Variants in MECOM observed in about 807,000 individuals in gnomAD.
MECOM encodes MDS1 and EVI1 complex locus.
A neutral mutation model predicts 116.3 loss-of-function variants in MECOM; 13 were observed. The ratio of observed to expected loss-of-function variants is 0.11; its 90% CI spans 0.07 to 0.18. The LOEUF (loss-of-function observed/expected upper bound fraction) is 0.18, where lower values mean the gene tolerates loss of function less well. Ranked by LOEUF, MECOM falls within the 10% of genes least tolerant of loss-of-function variation. The pLI is 1.00. For missense variants in MECOM, 1,299 were observed against 1,509.0 expected (o/e 0.86, Z 2.31); for synonymous variants, 528 against 535.2 (o/e 0.99, Z 0.19).
At chr3:169,485,944 T>TATGTATA (rs1491555135) in intron 1 of MECOM, among the ~76,000 whole-genome samples, 1 of 101,310 alleles carries the variant, frequency 9.9e-6, no homozygotes, top group Non-Finnish European at 1.9e-5. Context: ...TATATATGTA[T>TATGTATA]GTATATATGT....
At chr3:169,582,734 C>A (rs977241342) in intron 1 of MECOM, among the ~76,000 whole-genome samples, 4 of 152,174 alleles carry the variant, frequency 2.6e-5, no homozygotes, top group Non-Finnish European at 5.9e-5. Context: ...AGCAAAACTT[C>A]TGAAATTACA....
chr3:169,089,657 G>A (rs1452210559), intron 15 of MECOM, among the ~76,000 whole-genome samples: 1 of 152,016 alleles, frequency 6.6e-6, no homozygotes, highest in East Asian at 1.9e-4. Context: ...TGATGACCAT[G>A]CCAGATTATT....
chr3:169,573,257 C>T (rs936917106), intron 1 of MECOM, among the ~76,000 whole-genome samples: 1 of 152,184 alleles, frequency 6.6e-6, no homozygotes, highest in Non-Finnish European at 1.5e-5. Context: ...ACTTCCATGC[C>T]TTGTTCGGAA....
At chr3:169,153,893 C>A (rs55692737) in intron 2 of MECOM, among the ~76,000 whole-genome samples, 1 of 152,064 alleles carries the variant, frequency 6.6e-6, no homozygotes, top group East Asian at 1.9e-4. Flanking sequence ...GTTTGTGTAA[C>A]GGGTTACAGT....
chr3:169,589,488 G>A, intron 1 of MECOM, among the ~76,000 whole-genome samples: 1 of 152,084 alleles, frequency 6.6e-6, no homozygotes, highest in East Asian at 1.9e-4. Context: ...GCAGGTCCTA[G>A]GAAGTCCATG....
intron 1 of MECOM, among the ~76,000 whole-genome samples, chr3:169,524,896 T>C (rs2109105575): frequency 6.6e-6 from 1 of 152,260 alleles, no homozygotes; most frequent in Non-Finnish European, 1.5e-5. Context: ...AGCTGTCTTA[T>C]TTTCCATCTC....
chr3:169,126,440 C>A (rs993448531), intron 5 of MECOM, among the ~76,000 whole-genome samples: 7 of 151,884 alleles, frequency 4.6e-5, no homozygotes, highest in Admixed American at 3.3e-4. Flanking sequence ...TATTTGTTAG[C>A]TTCATTTTTT....
At chr3:169,205,559 G>A (rs1749809275) in intron 2 of MECOM, among the ~76,000 whole-genome samples, 1 of 152,184 alleles carries the variant, frequency 6.6e-6, no homozygotes, top group South Asian at 2.1e-4. Flanking sequence ...ACTAGCCAGA[G>A]TTATTTAAAT....
At chr3:169,131,188 C>A (rs960542437) in intron 4 of MECOM, among the ~76,000 whole-genome samples, 2 of 152,180 alleles carry the variant, frequency 1.3e-5, no homozygotes, top group Non-Finnish European at 2.9e-5. Flanking sequence ...TGAGGTTCTG[C>A]GCAAATGCTC....
intron 2 of MECOM, among the ~76,000 whole-genome samples, chr3:169,163,542 C>T (rs10513660): frequency 0.07 from 10,705 of 152,174 alleles, 481 homozygotes; most frequent in South Asian, 0.19. Context: ...TAACAACTCA[C>T]TGACTATAAG....
chr3:169,244,463 GC>G (rs1173328187), intron 2 of MECOM, among the ~76,000 whole-genome samples: 1 of 152,098 alleles, frequency 6.6e-6, no homozygotes, highest in Admixed American at 6.5e-5. Context: ...CAGCTTCTCA[GC>G]CACAGGCGAT....
At chr3:169,652,686 T>G (rs1775064169) in intron 1 of MECOM, among the ~76,000 whole-genome samples, 1 of 152,174 alleles carries the variant, frequency 6.6e-6, no homozygotes. Context: ...TTGGGTTAAT[T>G]TAATCAGTAA....
chr3:169,568,224 G>C (rs990436770), intron 1 of MECOM, among the ~76,000 whole-genome samples: 2 of 152,154 alleles, frequency 1.3e-5, no homozygotes, highest in Non-Finnish European at 2.9e-5. Context: ...TTCACAACCC[G>C]CAGACCAGGA....
intron 1 of MECOM, among the ~76,000 whole-genome samples, chr3:169,523,040 T>A (rs1344512932): frequency 6.6e-6 from 1 of 152,248 alleles, no homozygotes; most frequent in Non-Finnish European, 1.5e-5. Flanking sequence ...ATTTTTGTAA[T>A]GTCATCACTT....
intron 1 of MECOM, among the ~76,000 whole-genome samples, chr3:169,490,625 T>C (rs933817190): frequency 6.6e-6 from 1 of 152,244 alleles, no homozygotes; most frequent in Non-Finnish European, 1.5e-5. Flanking sequence ...GTACCACTTA[T>C]GTACATTTTA....
At chr3:169,264,473 A>C (rs987750599) in intron 2 of MECOM, among the ~76,000 whole-genome samples, 1 of 152,196 alleles carries the variant, frequency 6.6e-6, no homozygotes, top group Non-Finnish European at 1.5e-5. Flanking sequence ...TTATAAATCA[A>C]TTAAAAAAAA....
intron 2 of MECOM, among the ~76,000 whole-genome samples, chr3:169,223,546 A>C (rs953907257): frequency 1.3e-5 from 2 of 152,078 alleles, no homozygotes; most frequent in African/African-American, 4.8e-5. Context: ...CTTCCAATTA[A>C]AAAATGTGAT....
chr3:169,298,726 C>T (rs923959927), intron 2 of MECOM, among the ~76,000 whole-genome samples: 1 of 152,072 alleles, frequency 6.6e-6, no homozygotes, highest in African/African-American at 2.4e-5. Flanking sequence ...TTAGTAAAGA[C>T]ACCAGTTTAG....
intron 1 of MECOM, among the ~76,000 whole-genome samples, chr3:169,435,940 A>G (rs1203133751): frequency 2.0e-5 from 3 of 152,190 alleles, no homozygotes; most frequent in African/African-American, 7.2e-5. Flanking sequence ...TCGGTTACAA[A>G]ACTTGATCAT....
Sources: gnomAD v4.1 joint callset for allele counts (sites outside exome capture counted in the v4.1 genomes callset) on GRCh38, gnomAD v4.1.1 for gene constraint, MANE v1.5 for transcripts, NCBI Gene and HGNC (gene_info 2026-07-23, HGNC 2026-07-21) for gene names.